Variants in HMCN2 observed in about 807,000 individuals in gnomAD.
HMCN2 encodes hemicentin 2.
HMCN2 carries 325 observed loss-of-function variants against 377.5 expected under a neutral mutation model. The observed-to-expected ratio is 0.86, with a 90% CI of 0.79 to 0.94. HMCN2 has a LOEUF of 0.94. Among genes scored for constraint, HMCN2 ranks in the 40% least tolerant of loss-of-function variants. The pLI, the probability that HMCN2 is intolerant of heterozygous loss-of-function variation, is 0.00. For synonymous variants in HMCN2, 2,007 were observed against 2,046.8 expected (o/e 0.98, Z 0.53); for missense variants, 4,543 against 4,725.3 (o/e 0.96, Z 1.13).
rs1839472222 is a variant in HMCN2 at position 130,347,932 on chromosome 9, G to C, written c.4024+572G>C. The stretch of plus-strand genomic sequence containing the variant: ...CAGAGCCCACCTCCGGGTTAAAACT[G>C]TTACCCCTGGTCTCTTCTCACATTC... On this transcript the variant is annotated intron_variant, in intron 26 of 97. Coordinates refer to ENST00000683500, the MANE Select transcript of HMCN2 (RefSeq NM_001291815.2). The surrounding 1 kb of genome is among the most constrained non-coding windows in gnomAD (Gnocchi z 5.1). 1.1e-6 allele frequency: 1 copy of C among 931,614 alleles called. No individual in the cohort carries two copies. Among genetic ancestry groups the C allele is most frequent in the Non-Finnish European group, 1.3e-6 (1 of 781,202 alleles). The allele number at this position is 931,614 out of a possible 1,614,324, so 57.7% of individuals were successfully genotyped here. A position where few individuals can be genotyped will look rare whatever the true frequency, so the allele number is the denominator to read the frequency against.
At position 130,394,919 on chromosome 9, in the gene HMCN2, G is replaced by A. The variant is rs540739359; in HGVS notation, c.10693-108G>A. 9.1e-5 allele frequency: 61 copies of A among 673,762 alleles called. 1 individual carries two copies. The highest frequency in any genetic ancestry group is 3.6e-4 in the South Asian group (21 of 58,772). 41.7% of individuals were successfully genotyped at this position (673,762 alleles called of 1,614,324 possible). ...GGCTGGGAGGTGGATGGCAGACCTC[G>A]CAGGGCTGAGTTTGAATCCTGGGTC... is the stretch of plus-strand genomic sequence containing the variant. On this transcript the variant is annotated intron_variant, in intron 69 of 97. Transcript: ENST00000683500. The surrounding 1 kb of genome is among the most constrained non-coding windows in gnomAD (Gnocchi z 5.1).
intron 73 of HMCN2, 139 bp downstream of exon 73, chr9:130,396,452 GC>G (rs1842612943): frequency 4.9e-6 from 3 of 616,860 alleles, no homozygotes; most frequent in Admixed American, 3.6e-5. Flanking sequence ...ACAAGGACAG[GC>G]CCACCACTCA....
chr9:130,302,373 CTTCT>C (rs1263583042), intron 8 of HMCN2, among the ~76,000 whole-genome samples: 5 of 152,298 alleles, frequency 3.3e-5, no homozygotes, highest in Admixed American at 3.3e-4. Context: ...AATGAAAAGG[CTTCT>C]TTCTAACAAA....
At chr9:130,392,307 T>C (rs1842360139) in intron 66 of HMCN2, among the ~76,000 whole-genome samples, 189 bp downstream of exon 66, 2 of 151,438 alleles carry the variant, frequency 1.3e-5, no homozygotes, top group South Asian at 4.2e-4. Context: ...GGGGAGGTGG[T>C]GGGGGTAGGA....
chr9:130,296,551 G>A (rs1836164522), intron 6 of HMCN2, 123 bp from the exon 7 acceptor site: 1 of 392,338 alleles, frequency 2.5e-6, no homozygotes, highest in African/African-American at 2.1e-5. Flanking sequence ...TTGCCCATGT[G>A]TCTACAAAAG....
intron 76 of HMCN2, chr9:130,400,557 C>A (rs1243831823): frequency 1.2e-5 from 3 of 242,524 alleles, no homozygotes; most frequent in Non-Finnish European, 2.5e-5. Flanking sequence ...ATACTGAGAC[C>A]CCATCTCTGA....
At chr9:130,293,902 C>T (rs970644322) in intron 4 of HMCN2, among the ~76,000 whole-genome samples, 2 of 151,962 alleles carry the variant, frequency 1.3e-5, no homozygotes, top group African/African-American at 4.8e-5. Context: ...CTTCAAGCAG[C>T]GAGCTGAAGT....
At position 130,304,732 on chromosome 9, in the gene HMCN2, C is replaced by T. The variant is rs1554935906; in HGVS notation, c.1546C>T (p.Pro516Ser). The change falls in exon 11 of 98, where the codon CCC becomes TCC. Residue 516 changes from proline (P) to serine (S), a missense_variant and splice_region_variant. By Grantham distance (74) the Pro-to-Ser change is moderately conservative. Around this residue, in one of 5 missense-constraint regions of HMCN2, gnomAD observed 547 missense variants for 189.9 expected, o/e 2.88. Coordinates refer to ENST00000683500, the MANE Select transcript of HMCN2 (RefSeq NM_001291815.2). The surrounding 1 kb of genome is among the most constrained non-coding windows in gnomAD (Gnocchi z 4.3). ...CTCCTGTGCTCATGTCCCTGCAGAC[C>T]CCCCGCCGCAGCTGGTCCCTGCTCC... is the stretch of plus-strand genomic sequence containing the variant. Reference protein sequence around the residue: ...RAKAQIVVTDPPPQLVPAPNV... With the variant: ...RAKAQIVVTDSPPQLVPAPNV... 2.2e-6 allele frequency: 1 copy of T among 462,346 alleles called. No homozygotes were observed. Among genetic ancestry groups the T allele is most frequent in the African/African-American group, 2.0e-5 (1 of 49,920 alleles). The allele number at this position is 462,346 out of a possible 1,614,324, so 28.6% of individuals were successfully genotyped here.
intron 85 of HMCN2, among the ~76,000 whole-genome samples, chr9:130,416,100 ATTT>A (rs34382467): frequency 1.1e-4 from 14 of 130,712 alleles, no homozygotes; most frequent in East Asian, 4.5e-4. Flanking sequence ...TAGAGGCTTT[ATTT>A]TTTTTTTTTT....
Position 130,428,311 on chromosome 9 carries a change from G to A in HMCN2, c.14066-47G>A, listed in dbSNP as rs773159657. On this transcript the variant is annotated intron_variant, in intron 92 of 97. Transcript: ENST00000683500. The surrounding 1 kb of genome is among the most constrained non-coding windows in gnomAD (Gnocchi z 5.0). ...GGGCCAGGGTCAGGTGGCGAGGCAC[G>A]CCTGGGGATCATGTTCACACAGCCG... 26 of 1,486,354 alleles carry A rather than the reference G, an allele frequency of 1.7e-5. No individual in the cohort carries two copies. The highest frequency in any genetic ancestry group is 1.0e-4 in the Admixed American group (5 of 48,188). 92.1% of individuals were successfully genotyped at this position (1,486,354 alleles called of 1,614,324 possible). A position where few individuals can be genotyped will look rare whatever the true frequency, so the allele number is the denominator to read the frequency against.
chr9:130,331,284 G>T (rs1395034659), intron 22 of HMCN2, among the ~76,000 whole-genome samples: 1 of 152,186 alleles, frequency 6.6e-6, no homozygotes, highest in African/African-American at 2.4e-5. Flanking sequence ...TGTTGGAGCA[G>T]CTTTGCACAA....
chr9:130,266,199 C>T (rs1303969665), intron 1 of HMCN2, 62 bp downstream of exon 1: 8 of 428,616 alleles, frequency 1.9e-5, no homozygotes, highest in Non-Finnish European at 3.7e-5. Flanking sequence ...CCTGCCTGAC[C>T]CCCTCAGTTG....
Position 130,433,837 on chromosome 9 carries a change from C to T in HMCN2, c.*144C>T. The T allele has an allele frequency of 1.5e-6, 1 of 686,068 alleles. No homozygotes were observed. Among genetic ancestry groups the T allele is most frequent in the Non-Finnish European group, 2.2e-6 (1 of 446,148 alleles). The allele number at this position is 686,068 out of a possible 1,614,324, so 42.5% of individuals were successfully genotyped here. On this transcript the variant is annotated 3_prime_UTR_variant, in exon 98 of 98. Transcript: ENST00000683500. ...CAGCGAGACCTTGGGTCAACACGAC[C>T]CTGCGCACAGCCTTGACCCCCGACA...
intron 15 of HMCN2, among the ~76,000 whole-genome samples, chr9:130,313,465 G>A (rs1837373752): frequency 6.6e-6 from 1 of 152,242 alleles, no homozygotes; most frequent in South Asian, 2.1e-4. Context: ...TGCATTATTT[G>A]CCTCTCGGAG....
In HMCN2 at chr9:130,428,575, C is replaced by A; in HGVS notation, c.14197+86C>A. ...TCAGCTGACAGGGGGCTGTGTGTCA[C>A]TGGGCTCTGGGCTTCCAGGAAGACT... On this transcript the variant is annotated intron_variant, in intron 93 of 97. Coordinates refer to ENST00000683500, the MANE Select transcript of HMCN2 (RefSeq NM_001291815.2). The surrounding 1 kb of genome is among the most constrained non-coding windows in gnomAD (Gnocchi z 5.0). 6.8e-7 allele frequency: 1 copy of A among 1,469,416 alleles called. No individual in the cohort carries two copies. Among genetic ancestry groups the A allele is most frequent in the South Asian group, 1.3e-5 (1 of 77,626 alleles). 91.0% of individuals were successfully genotyped at this position (1,469,416 alleles called of 1,614,324 possible).
chr9:130,333,717 CCT>C (rs1838557578), intron 22 of HMCN2, among the ~76,000 whole-genome samples: 1 of 152,214 alleles, frequency 6.6e-6, no homozygotes, highest in African/African-American at 2.4e-5. Context: ...AGCCCCCAAA[CCT>C]CCCACTGAGC....
At chr9:130,328,535 G>A (rs1261762080) in intron 22 of HMCN2, among the ~76,000 whole-genome samples, 1 of 152,148 alleles carries the variant, frequency 6.6e-6, no homozygotes, top group Non-Finnish European at 1.5e-5. Flanking sequence ...CAATCCTAGA[G>A]TTGTGTTGTG....
intron 53 of HMCN2, among the ~76,000 whole-genome samples, chr9:130,378,188 TG>T (rs1841495747): frequency 6.6e-6 from 1 of 151,812 alleles, no homozygotes; most frequent in South Asian, 2.1e-4. Context: ...TGTGGGTACC[TG>T]GGGCTCATTA....
Position 130,353,200 on chromosome 9 carries a change from T to C in HMCN2, c.4859T>C (p.Val1620Ala). 3 of 1,303,326 alleles carry C rather than the reference T, an allele frequency of 2.3e-6. No individual in the cohort carries two copies. Among genetic ancestry groups the C allele is most frequent in the Non-Finnish European group, 1.0e-6 (1 of 988,680 alleles). The allele number at this position is 1,303,326 out of a possible 1,614,324, so 80.7% of individuals were successfully genotyped here. The change falls in exon 31 of 98, where the codon GTT (valine) becomes GCT (alanine). Residue 1620 changes from valine (V) to alanine (A), a missense_variant. Physicochemically the swap from Val to Ala is moderately conservative, Grantham distance 64. This residue lies in a region of HMCN2 where 1,032 missense variants were observed against 1,285.1 expected (regional missense o/e 0.80). Coordinates refer to ENST00000683500, the MANE Select transcript of HMCN2 (RefSeq NM_001291815.2). ...GCAGAGAAGGCCACCAGGCTGGATGTTTATGGTGAGCAGCCAGGGGCCACG... is the reference window on the plus strand; with the variant it reads ...GCAGAGAAGGCCACCAGGCTGGATGCTTATGGTGAGCAGCCAGGGGCCACG... ...GAAEKATRLD[V>A]YVPPTIEGAG...
Sources: allele counts gnomAD v4.1 joint callset (sites outside exome capture counted in the v4.1 genomes callset), GRCh38; gene constraint gnomAD v4.1.1; regional missense constraint gnomAD v4.1.1; non-coding constraint Gnocchi (gnomAD v3.1); transcripts MANE v1.5; gene names NCBI Gene and HGNC (gene_info 2026-07-23, HGNC 2026-07-21).